Variants in TAFA1 observed in about 807,000 individuals in gnomAD.
TAFA1 encodes the protein TAFA chemokine like family member 1, also known as chemokine-like protein TAFA-1.
A neutral mutation model predicts 18.5 loss-of-function variants in TAFA1; 4 were observed. That is an observed-to-expected ratio of 0.22 (90% CI 0.11 to 0.49). The LOEUF (loss-of-function observed/expected upper bound fraction) is 0.49. Among genes scored for constraint, TAFA1 ranks in the 20% least tolerant of loss-of-function variants. TAFA1 has a pLI of 0.98. For synonymous variants in TAFA1, 56 were observed against 55.2 expected (o/e 1.01, Z -0.06); for missense variants, 147 against 169.0 (o/e 0.87, Z 0.72).
At chr3:68,334,855 G>T (rs1247625367) in intron 2 of TAFA1, among the ~76,000 whole-genome samples, 2 of 152,134 alleles carry the variant, frequency 1.3e-5, no homozygotes, top group Admixed American at 6.5e-5. Flanking sequence ...AAGAGAGAGG[G>T]TTGGAAAACA....
intron 2 of TAFA1, among the ~76,000 whole-genome samples, chr3:68,317,835 T>G (rs1005805015): frequency 2.6e-5 from 4 of 152,158 alleles, no homozygotes; most frequent in African/African-American, 7.2e-5. Flanking sequence ...ATTTGCTGTT[T>G]TTATTTATTA....
At chr3:68,499,643 A>T (rs1289254660) in intron 3 of TAFA1, among the ~76,000 whole-genome samples, 1 of 151,730 alleles carries the variant, frequency 6.6e-6, no homozygotes, top group Non-Finnish European at 1.5e-5. Flanking sequence ...CACCAAAAAC[A>T]CATTTTAAAG....
chr3:68,166,702 G>A (rs2065985386), intron 2 of TAFA1, among the ~76,000 whole-genome samples: 1 of 152,150 alleles, frequency 6.6e-6, no homozygotes, highest in African/African-American at 2.4e-5. Flanking sequence ...CCTCCCTGGA[G>A]GACGGGAAGG....
At chr3:68,146,883 T>C (rs1176133955) in intron 2 of TAFA1, among the ~76,000 whole-genome samples, 1 of 152,130 alleles carries the variant, frequency 6.6e-6, no homozygotes, top group African/African-American at 2.4e-5. Context: ...AAGCCTACCT[T>C]TATACAATAG....
intron 2 of TAFA1, among the ~76,000 whole-genome samples, chr3:68,063,332 T>C (rs954793672): frequency 4.6e-5 from 7 of 152,180 alleles, no homozygotes; most frequent in Non-Finnish European, 1.0e-4. Context: ...GGTCTCATCT[T>C]AGAGAACGTT....
intron 4 of TAFA1, 100 bp downstream of exon 4, chr3:68,538,980 AAGAT>A: frequency 8.1e-7 from 1 of 1,229,502 alleles, no homozygotes; most frequent in Admixed American, 2.3e-5. Flanking sequence ...CACAGGAGAG[AAGAT>A]TCTCCACTGA....
intron 2 of TAFA1, 84 bp from the exon 3 acceptor site, chr3:68,417,196 C>A: frequency 8.7e-7 from 1 of 1,143,976 alleles, no homozygotes; most frequent in South Asian, 1.4e-5. Context: ...TTACTTTCCT[C>A]AACCCCGCTA....
At chr3:68,080,875 G>C (rs2064889335) in intron 2 of TAFA1, among the ~76,000 whole-genome samples, 1 of 152,046 alleles carries the variant, frequency 6.6e-6, no homozygotes, top group Non-Finnish European at 1.5e-5. Context: ...GCTAGATTGG[G>C]GAAGTTCTCC....
rs796549469 is a variant in TAFA1, at chr3:68,287,910, GGGGT to G, written c.119-129366_119-129363del. On this transcript the variant is annotated intron_variant, in intron 2 of 4. Transcript: ENST00000478136. The stretch of plus-strand genomic sequence containing the variant: ...GGATTTTGCTTTTTGTTTTTGTTGG[GGGGT>G]GGGGGGGCTTTTTGAAAATTTTTTT... Among the ~76,000 whole-genome samples the G allele has an allele frequency of 7.4e-4, 88 of 119,516 alleles. 1 individual carries two copies. The highest frequency in any genetic ancestry group is 4.1e-3 in the East Asian group (11 of 2,696). 78.4% of individuals were successfully genotyped at this position (119,516 alleles called of 152,430 possible).
chr3:68,362,807 T>C (rs262231), intron 2 of TAFA1, among the ~76,000 whole-genome samples: 2 of 151,776 alleles, frequency 1.3e-5, no homozygotes, highest in African/African-American at 2.4e-5. Context: ...ATACGGTAGG[T>C]TCTACAAATG....
At chr3:68,310,765 T>C (rs2068501737) in intron 2 of TAFA1, among the ~76,000 whole-genome samples, 1 of 152,236 alleles carries the variant, frequency 6.6e-6, no homozygotes, top group South Asian at 2.1e-4. Flanking sequence ...TTTTCTATTC[T>C]GGAGAAGCCA....
intron 2 of TAFA1, among the ~76,000 whole-genome samples, chr3:68,332,337 T>C (rs1184297823): frequency 6.6e-6 from 1 of 152,044 alleles, no homozygotes; most frequent in Non-Finnish European, 1.5e-5. Context: ...GTAGAAAATC[T>C]TCACGGCATT....
chr3:68,076,839 G>A (rs2064831533), intron 2 of TAFA1, among the ~76,000 whole-genome samples: 1 of 152,170 alleles, frequency 6.6e-6, no homozygotes, highest in Admixed American at 6.5e-5. Flanking sequence ...GGGATGGCTG[G>A]GTCAAATGGT....
intron 2 of TAFA1, among the ~76,000 whole-genome samples, chr3:68,066,019 G>A (rs990839706): frequency 6.6e-6 from 1 of 152,060 alleles, no homozygotes; most frequent in African/African-American, 2.4e-5. Context: ...TTACATAAAT[G>A]TGTAGAAAAT....
At chr3:68,451,450 AT>A (rs2071565543) in intron 3 of TAFA1, among the ~76,000 whole-genome samples, 1 of 152,172 alleles carries the variant, frequency 6.6e-6, no homozygotes, top group Admixed American at 6.5e-5. Flanking sequence ...TAAACGACTA[AT>A]TTAGTGATGT....
intron 2 of TAFA1, among the ~76,000 whole-genome samples, chr3:68,238,159 A>G (rs1333869490): frequency 6.6e-6 from 1 of 152,150 alleles, no homozygotes; most frequent in Non-Finnish European, 1.5e-5. Context: ...GCTTCTGTCT[A>G]GTTCACACCC....
intron 2 of TAFA1, among the ~76,000 whole-genome samples, chr3:68,165,306 A>G (rs2065971378): frequency 6.6e-6 from 1 of 152,212 alleles, no homozygotes; most frequent in Non-Finnish European, 1.5e-5. Context: ...ACTGCCTAAT[A>G]AGCAACTCCC....
chr3:68,093,249 T>C (rs539615711), intron 2 of TAFA1, among the ~76,000 whole-genome samples: 1 of 152,230 alleles, frequency 6.6e-6, no homozygotes, highest in South Asian at 2.1e-4. Flanking sequence ...TTTCTGTATA[T>C]GTCTCTCAAA....
At chr3:68,155,714 A>G (rs1329045043) in intron 2 of TAFA1, among the ~76,000 whole-genome samples, 1 of 152,222 alleles carries the variant, frequency 6.6e-6, no homozygotes, top group East Asian at 1.9e-4. Flanking sequence ...AGTGCTTCAC[A>G]TGATACGTGA....
Sources: gnomAD v4.1 joint callset for allele counts (sites outside exome capture counted in the v4.1 genomes callset) on GRCh38, gnomAD v4.1.1 for gene constraint, MANE v1.5 for transcripts, NCBI Gene and HGNC (gene_info 2026-07-23, HGNC 2026-07-21) for gene names.